The following RNF13 variants were observed in gnomAD, a reference collection of about 807,000 sequenced individuals.
The protein encoded by RNF13 is ring finger protein 13.
A neutral mutation model predicts 37.7 loss-of-function variants in RNF13; 19 were observed. The observed-to-expected ratio is 0.50, with a 90% CI of 0.35 to 0.74. The LOEUF (loss-of-function observed/expected upper bound fraction) is 0.74. RNF13 is among the 30% of genes least tolerant of loss of function. The pLI is 0.01. For missense variants in RNF13, 375 were observed against 453.0 expected, an observed-to-expected ratio of 0.83 and a Z score of 1.56; for synonymous variants, 144 against 157.8, an observed-to-expected ratio of 0.91 and a Z score of 0.65.
chr3:149,878,808 A>G (rs777239518), intron 4 of RNF13, among the ~76,000 whole-genome samples: 1 of 151,982 alleles, frequency 6.6e-6, no homozygotes, highest in Non-Finnish European at 1.5e-5. Context: ...TTTCTCCTCT[A>G]TTAGACATCT....
intron 4 of RNF13, among the ~76,000 whole-genome samples, chr3:149,881,920 A>T (rs1480311720): frequency 6.6e-6 from 1 of 152,140 alleles, no homozygotes; most frequent in Non-Finnish European, 1.5e-5. Context: ...TCAGCGTTAA[A>T]ACCATGTACT....
At chr3:149,939,302 TTCA>T (rs755217991) in intron 8 of RNF13, 164 of 466,222 alleles carry the variant, frequency 3.5e-4, no homozygotes, top group African/African-American at 3.0e-3. Flanking sequence ...CATCGTCATT[TTCA>T]TCATCATCTT....
intron 5 of RNF13, among the ~76,000 whole-genome samples, chr3:149,901,711 G>A (rs1476871636): frequency 6.6e-6 from 1 of 152,010 alleles, no homozygotes; most frequent in African/African-American, 2.4e-5. Flanking sequence ...TTTTCATTTA[G>A]GAATTAAGTT....
At chr3:149,940,918 GAT>G (rs577893141) in intron 8 of RNF13, among the ~76,000 whole-genome samples, 77 of 152,140 alleles carry the variant, frequency 5.1e-4, no homozygotes, top group African/African-American at 1.9e-3. Flanking sequence ...GACTACTTTA[GAT>G]ACTTCATATG....
intron 8 of RNF13, among the ~76,000 whole-genome samples, chr3:149,954,124 G>C (rs1721621663): frequency 6.6e-6 from 1 of 152,002 alleles, no homozygotes; most frequent in African/African-American, 2.4e-5. Flanking sequence ...GACATCTTAA[G>C]TAAAAGGTCT....
chr3:149,857,115 G>C (rs1241080931), intron 3 of RNF13, among the ~76,000 whole-genome samples: 1 of 152,108 alleles, frequency 6.6e-6, no homozygotes, highest in Non-Finnish European at 1.5e-5. Flanking sequence ...TCTAATTTAT[G>C]TTCTATATTT....
intron 4 of RNF13, among the ~76,000 whole-genome samples, chr3:149,874,152 A>T (rs888449476): frequency 6.6e-6 from 1 of 152,164 alleles, no homozygotes; most frequent in Non-Finnish European, 1.5e-5. Flanking sequence ...ATGTTCTTTA[A>T]CTTGGTTATT....
At chr3:149,837,363 T>C (rs1004462740) in intron 1 of RNF13, among the ~76,000 whole-genome samples, 1 of 152,240 alleles carries the variant, frequency 6.6e-6, no homozygotes, top group Non-Finnish European at 1.5e-5. Flanking sequence ...GACATTTCTT[T>C]CCTAAGTACT....
chr3:149,889,015 T>A (rs1179404403), intron 4 of RNF13, among the ~76,000 whole-genome samples: 1 of 152,196 alleles, frequency 6.6e-6, no homozygotes, highest in Non-Finnish European at 1.5e-5. Context: ...CTCAGCTCAC[T>A]GCAACCTCCG....
intron 3 of RNF13, among the ~76,000 whole-genome samples, chr3:149,860,690 A>C (rs1377383173): frequency 6.6e-6 from 1 of 152,202 alleles, no homozygotes; most frequent in African/African-American, 2.4e-5. Flanking sequence ...AAAACACTTC[A>C]GGGCATTGAA....
chr3:149,948,654 ATTC>A (rs1395673013), intron 8 of RNF13, among the ~76,000 whole-genome samples: 1 of 152,186 alleles, frequency 6.6e-6, no homozygotes, highest in East Asian at 1.9e-4. Context: ...TCTGCCTCCC[ATTC>A]TATGTTATTG....
intron 1 of RNF13, among the ~76,000 whole-genome samples, chr3:149,829,592 G>A (rs1421997521): frequency 6.6e-6 from 1 of 152,058 alleles, no homozygotes; most frequent in Non-Finnish European, 1.5e-5. Flanking sequence ...AATTTGCTGG[G>A]CAAACTTCTG....
intron 6 of RNF13, among the ~76,000 whole-genome samples, chr3:149,908,037 C>A (rs1384859546): frequency 6.6e-6 from 1 of 152,204 alleles, no homozygotes; most frequent in African/African-American, 2.4e-5. Flanking sequence ...TTTATGACCT[C>A]CCAATCTGAC....
At chr3:149,891,210 A>G (rs1377959929) in intron 4 of RNF13, among the ~76,000 whole-genome samples, 2 of 152,192 alleles carry the variant, frequency 1.3e-5, no homozygotes, top group African/African-American at 4.8e-5. Flanking sequence ...CCTCATTTCT[A>G]AACTATAGAA....
chr3:149,943,451 G>A (rs887765612), intron 8 of RNF13, among the ~76,000 whole-genome samples: 1 of 152,012 alleles, frequency 6.6e-6, no homozygotes, highest in Non-Finnish European at 1.5e-5. Flanking sequence ...TCTTGGTGTT[G>A]TATGCCTCCC....
intron 1 of RNF13, among the ~76,000 whole-genome samples, chr3:149,829,000 G>C (rs1463288240): frequency 1.3e-5 from 2 of 152,278 alleles, no homozygotes; most frequent in Non-Finnish European, 1.5e-5. Context: ...TAGTATAGAT[G>C]ACCGGATCAC....
At chr3:149,816,602 A>G (rs1719483575) in intron 1 of RNF13, among the ~76,000 whole-genome samples, 1 of 152,076 alleles carries the variant, frequency 6.6e-6, no homozygotes, top group South Asian at 2.1e-4. Context: ...GTTCCACATA[A>G]GGACACTGCC....
At chr3:149,848,753 G>T (rs1722872479) in intron 2 of RNF13, among the ~76,000 whole-genome samples, 1 of 151,698 alleles carries the variant, frequency 6.6e-6, no homozygotes, top group Non-Finnish European at 1.5e-5. Context: ...TTTGTTTTTT[G>T]TTTTTGGCAG....
At chr3:149,925,670 T>G (rs905444602) in intron 8 of RNF13, among the ~76,000 whole-genome samples, 2 of 152,206 alleles carry the variant, frequency 1.3e-5, no homozygotes, top group African/African-American at 2.4e-5. Flanking sequence ...CTTTTGAGAA[T>G]ATACTTGTAC....
Sources: gnomAD v4.1 joint callset for allele counts (sites outside exome capture counted in the v4.1 genomes callset) on GRCh38, gnomAD v4.1.1 for gene constraint, MANE v1.5 for transcripts, NCBI Gene and HGNC (gene_info 2026-07-23, HGNC 2026-07-21) for gene names.